CARD8: variants seen among roughly 807,000 people sequenced by gnomAD.
The protein encoded by CARD8 is caspase recruitment domain family member 8.
Under a neutral mutation model 53.2 loss-of-function variants are expected in CARD8, and 38 were observed. That is an observed-to-expected ratio of 0.71 (90% confidence interval 0.55 to 0.94). The LOEUF (loss-of-function observed/expected upper bound fraction) is 0.94, where lower values mean the gene tolerates loss of function less well. Ranked by LOEUF, CARD8 falls within the 40% of genes least tolerant of loss-of-function variation. The pLI is 0.00. For missense variants in CARD8, 561 were observed against 655.5 expected (o/e 0.86, Z 1.57); for synonymous variants, 245 against 244.9 (o/e 1.00, Z 0.00).
intron 6 of CARD8, chr19:48,233,478 G>C: frequency 2.2e-6 from 1 of 452,604 alleles, no homozygotes; most frequent in Non-Finnish European, 4.4e-6. Context: ...GCCAAGCATG[G>C]AGAGACCCCT....
At position 48,230,464 on chromosome 19, in the gene CARD8, C is replaced by T. The variant is rs763645622; in HGVS notation, c.1009G>A (p.Val337Ile). 1.9e-6 allele frequency: 3 copies of T among 1,611,086 alleles called. No homozygotes were observed. The Admixed American group carries it at 5.0e-5, about 27-fold the overall frequency. The change falls in exon 10 of 14, where the codon GTC becomes ATC. Residue 337 changes from valine (V) to isoleucine (I), a missense_variant. Val to Ile is a conservative substitution (Grantham distance 29). Coordinates refer to ENST00000651546, the MANE Select transcript of CARD8 (RefSeq NM_001184900.3). Reference protein sequence around the residue: ...PEDIKFHLYLVPSDALLTKAI... With the variant: ...PEDIKFHLYLIPSDALLTKAI... ...TTTGTTAGCAAGGCGTCGCTGGGGA[C>T]AAGGTACAAGTGGAACTTAATATCT...
chr19:48,221,433 G>A (rs1283084235), intron 11 of CARD8, among the ~76,000 whole-genome samples: 2 of 152,144 alleles, frequency 1.3e-5, no homozygotes, highest in Non-Finnish European at 2.9e-5. Flanking sequence ...GCGTTAGTTA[G>A]GCAAGACATC....
At chr19:48,238,270 T>C (rs1275783207) in intron 5 of CARD8, 113 bp downstream of exon 5, 6 of 1,418,802 alleles carry the variant, frequency 4.2e-6, no homozygotes, top group Non-Finnish European at 5.5e-6. Flanking sequence ...GTAACATATA[T>C]ACTAATTTTT....
chr19:48,229,393 T>C (rs889701769), intron 10 of CARD8, among the ~76,000 whole-genome samples: 1 of 152,212 alleles, frequency 6.6e-6, no homozygotes. Flanking sequence ...ACAGAAGTTA[T>C]GCAAGAATTC....
intron 4 of CARD8, among the ~76,000 whole-genome samples, chr19:48,240,647 T>C (rs1194162531): frequency 1.3e-5 from 2 of 151,874 alleles, no homozygotes; most frequent in Non-Finnish European, 2.9e-5. Context: ...TGCATGCCTG[T>C]AATCCCAGCT....
chr19:48,241,010 T>C lies in CARD8; in HGVS notation c.11A>G (p.Lys4Arg). 3.3e-6 allele frequency: 5 copies of C among 1,531,306 alleles called. No individual in the cohort carries two copies. Among genetic ancestry groups the C allele is most frequent in the Non-Finnish European group, 2.6e-6 (3 of 1,142,940 alleles). 94.9% of individuals were successfully genotyped at this position (1,531,306 alleles called of 1,614,324 possible). Residue 4 changes from lysine (K) to arginine (R), a missense_variant, in exon 4 of 14, where the codon AAG becomes AGG. By Grantham distance (26) the Lys-to-Arg change is conservative. Coordinates refer to ENST00000651546, the MANE Select transcript of CARD8 (RefSeq NM_001184900.3). MEK[K>R]ECPEKSSSSE... ...GCTGCTACTCTTTTCTGGACACTCC[T>C]TTTTTTCCATTTGTCAAATGTGGTA...
downstream of CARD8, chr19:48,208,004 G>C: frequency 6.6e-6 from 1 of 151,946 alleles, no homozygotes. Flanking sequence ...CCAAAGTGTT[G>C]GGATTACAGG....
chr19:48,220,988 A>AGGAAGGAAGGAAGGAG (rs2040456468), intron 11 of CARD8, among the ~76,000 whole-genome samples: 1 of 101,314 alleles, frequency 9.9e-6, no homozygotes, highest in Non-Finnish European at 2.1e-5. Context: ...GAAGGAAGGA[A>AGGAAGGAAGGAAGGAG]GGAAGGAAAG....
downstream of CARD8, chr19:48,204,237 A>G (rs1038662334): frequency 6.6e-6 from 3 of 454,964 alleles, no homozygotes; most frequent in Non-Finnish European, 1.3e-5. Context: ...GCGTTGCCAC[A>G]GTAACCCTGG....
Position 48,211,956 on chromosome 19 carries a change from C to T in CARD8, c.1368G>A (p.Glu456=). Residue 456 remains glutamate (E), a synonymous_variant, in exon 14 of 14, where the codon GAG becomes GAA. Transcript: ENST00000651546. ...TCCTGGCTTGGAGTTGCCGGTGGTT[C>T]TCCTTCACAAAGGCTGCACCTGGAT... is the stretch of plus-strand genomic sequence containing the variant. ...PPFSGAAFVK[E]NHRQLQARMG... The T allele has an allele frequency of 6.2e-7, 1 of 1,614,032 alleles. No individual in the cohort carries two copies. The highest frequency in any genetic ancestry group is 8.5e-7 in the Non-Finnish European group (1 of 1,179,936).
intron 4 of CARD8, among the ~76,000 whole-genome samples, chr19:48,239,855 A>G (rs567218564): frequency 1.3e-5 from 2 of 152,270 alleles, no homozygotes; most frequent in Admixed American, 6.5e-5. Context: ...TGGATGCTGG[A>G]AAGCCCAGGA....
At chr19:48,242,548 C>T (rs1367512980) in intron 3 of CARD8, 1 of 152,204 alleles carries the variant, frequency 6.6e-6, no homozygotes, top group African/African-American at 2.4e-5. Context: ...ACCTCCTTTG[C>T]TTTCATGGCT....
intron 4 of CARD8, among the ~76,000 whole-genome samples, chr19:48,239,578 C>T (rs1461070866): frequency 1.3e-5 from 2 of 150,864 alleles, no homozygotes; most frequent in East Asian, 2.0e-4. Flanking sequence ...CAGGTTCAAG[C>T]GATTCTCGTG....
rs1376077844 is a variant in CARD8 at position 48,208,141 on chromosome 19, T to C, written c.*3569A>G. The C allele has an allele frequency of 2.0e-5, 3 of 152,226 alleles. No individual in the cohort carries two copies. The highest frequency in any genetic ancestry group is 7.2e-5 in the African/African-American group (3 of 41,444). 9.4% of individuals were successfully genotyped at this position (152,226 alleles called of 1,614,324 possible). The stretch of plus-strand genomic sequence containing the variant: ...CTATTTTTTTATTTTTGTAAATTTA[T>C]GAAGTACATTCTTCAAATGTAACAA... On this transcript the variant is annotated 3_prime_UTR_variant, in exon 14 of 14. Coordinates refer to ENST00000651546, the MANE Select transcript of CARD8 (RefSeq NM_001184900.3).
chr19:48,215,260 T>C, intron 13 of CARD8, 80 bp downstream of exon 13: 1 of 1,016,546 alleles, frequency 9.8e-7, no homozygotes, highest in Non-Finnish European at 1.5e-6. Context: ...GCCATGTCAC[T>C]TGGATACCTT....
In CARD8 at chr19:48,211,701, T is replaced by C; in HGVS notation, c.*9A>G. 1 of 1,612,688 alleles carries C rather than the reference T, an allele frequency of 6.2e-7. No homozygotes were observed. The highest frequency in any genetic ancestry group is 1.7e-5 in the Admixed American group (1 of 59,886). ...GATTCTCTCTTCCAGACTACCTAACTGACTCATTTTACAAATTCTGCTGTC... is the reference window on the plus strand; with the variant it reads ...GATTCTCTCTTCCAGACTACCTAACCGACTCATTTTACAAATTCTGCTGTC... On this transcript the variant is annotated 3_prime_UTR_variant, in exon 14 of 14. Transcript: ENST00000651546.
chr19:48,221,008 A>AGG (rs1555806506), intron 11 of CARD8, among the ~76,000 whole-genome samples: 96 of 122,090 alleles, frequency 7.9e-4, no homozygotes, highest in African/African-American at 3.1e-3. Context: ...GAAAGAAAGA[A>AGG]AAAGAAAGAA....
chr19:48,219,091 A>T (rs1169461530), intron 11 of CARD8, 79 bp from the exon 12 acceptor site: 5 of 1,344,120 alleles, frequency 3.7e-6, no homozygotes, highest in Non-Finnish European at 5.3e-6. Flanking sequence ...GGCCAATGGA[A>T]CTTAACCCGT....
downstream of CARD8, among the ~76,000 whole-genome samples, chr19:48,207,734 G>GTTTTTTTTTTTTTTTTT (rs758903014): frequency 5.1e-4 from 59 of 116,522 alleles, 3 homozygotes; most frequent in African/African-American, 1.4e-3. Flanking sequence ...TTGTTTTTCT[G>GTTTTTTTTTTTTTTTTT]TTTTTTTTTT....
Sources: gnomAD v4.1 joint callset for allele counts (sites outside exome capture counted in the v4.1 genomes callset) on GRCh38, gnomAD v4.1.1 for gene constraint, MANE v1.5 for transcripts, NCBI Gene and HGNC (gene_info 2026-07-23, HGNC 2026-07-21) for gene names.